The following ADAMTS2 variants were observed in gnomAD, a reference collection of about 807,000 sequenced individuals.
ADAMTS2 encodes the protein ADAM metallopeptidase with thrombospondin type 1 motif 2, also known as A disintegrin and metalloproteinase with thrombospondin motifs 2.
Under a neutral mutation model 123.0 loss-of-function variants are expected in ADAMTS2, and 50 were observed. The ratio of observed to expected loss-of-function variants is 0.41; its 90% CI spans 0.32 to 0.51. The LOEUF is 0.51. Among genes scored for constraint, ADAMTS2 ranks in the 20% least tolerant of loss-of-function variants. The pLI, the probability that ADAMTS2 is intolerant of heterozygous loss-of-function variation, is 0.35. For missense variants in ADAMTS2, 1,494 were observed against 1,705.2 expected, an observed-to-expected ratio of 0.88 and a Z score of 2.18; for synonymous variants, 678 against 695.4, an observed-to-expected ratio of 0.98 and a Z score of 0.39.
chr5:179,173,222 T>TA (rs918031451), intron 5 of ADAMTS2, among the ~76,000 whole-genome samples: 2 of 56,680 alleles, frequency 3.5e-5, no homozygotes, highest in African/African-American at 5.1e-5. Context: ...TTAATAATAA[T>TA]AATAATAATA....
At chr5:179,231,943 GAA>G (rs58118969) in intron 3 of ADAMTS2, among the ~76,000 whole-genome samples, 122,941 of 149,268 alleles carry the variant, frequency 0.82, 51,137 homozygotes, top group East Asian at 0.99. Context: ...AAAAGAAAAA[GAA>G]AAAAAAAAAG....
In ADAMTS2 at chr5:179,322,304, C is replaced by T. The variant is rs1757205809; in HGVS notation, c.534+21463G>A. ...GTGGGGAGAGGAGCAGAGGATGCAC[C>T]CACGGCCCGTGCCTTCTTTGAATCA... On this transcript the variant is annotated intron_variant, in intron 2 of 21. Coordinates refer to ENST00000251582, the MANE Select transcript of ADAMTS2 (RefSeq NM_014244.5). 2.0e-5 allele frequency among the ~76,000 whole-genome samples: 3 copies of T among 152,174 alleles called. No individual in the cohort carries two copies. In the South Asian group the frequency reaches 6.2e-4, roughly 32 times the overall value.
intron 19 of ADAMTS2, 59 bp from the exon 20 acceptor site, chr5:179,122,832 A>G (rs1762788908): frequency 1.3e-6 from 2 of 1,548,558 alleles, no homozygotes; most frequent in Non-Finnish European, 1.7e-6. Context: ...GCACTGGCAG[A>G]GCTGGAGGAG....
At chr5:179,140,796 G>GTTTTTTTTTTTTTTT (rs1763149728) in intron 10 of ADAMTS2, among the ~76,000 whole-genome samples, 1 of 71,506 alleles carries the variant, frequency 1.4e-5, no homozygotes. Flanking sequence ...CCGACTGCAT[G>GTTTTTTTTTTTTTTT]CTCTTTTTTT....
chr5:179,154,391 C>A (rs976947577), intron 7 of ADAMTS2, among the ~76,000 whole-genome samples, 199 bp from the exon 8 acceptor site: 1 of 152,216 alleles, frequency 6.6e-6, no homozygotes, highest in African/African-American at 2.4e-5. Context: ...GTCCAGCGGG[C>A]AGTCCCCCAG....
intron 3 of ADAMTS2, among the ~76,000 whole-genome samples, chr5:179,241,583 C>T (rs1350827708): frequency 6.6e-6 from 1 of 152,202 alleles, no homozygotes; most frequent in East Asian, 1.9e-4. Context: ...TCTGTAATTT[C>T]AGTGTATTAA....
chr5:179,132,838 T>A lies in ADAMTS2; in HGVS notation c.2148A>T (p.Gly716=), dbSNP rs760357244. ...CCACTTTGCAGTGGCTGTTGTCCCC[T>A]CCGCACACGCCACACTTGTCTTCCT... ...SKQEDKCGVC[G]GDNSHCKVVK... The change falls in exon 14 of 22, where the codon GGA becomes GGT. Residue 716 remains glycine (G), a synonymous_variant. Coordinates refer to ENST00000251582, the MANE Select transcript of ADAMTS2 (RefSeq NM_014244.5). The surrounding 1 kb of genome is among the most constrained non-coding windows in gnomAD (Gnocchi z 6.1). The A allele has an allele frequency of 6.2e-7, 1 of 1,614,014 alleles. No homozygotes were observed. The highest frequency in any genetic ancestry group is 1.7e-5 in the Admixed American group (1 of 60,004).
intron 10 of ADAMTS2, among the ~76,000 whole-genome samples, chr5:179,151,623 G>A (rs1763357249): frequency 6.6e-6 from 1 of 152,188 alleles, no homozygotes; most frequent in African/African-American, 2.4e-5. Context: ...TGAGAATCAG[G>A]TCTGGAGTTC....
chr5:179,263,325 T>C, intron 3 of ADAMTS2, among the ~76,000 whole-genome samples: 1 of 137,490 alleles, frequency 7.3e-6, no homozygotes, highest in East Asian at 2.1e-4. Flanking sequence ...GCAGTATTAT[T>C]CCCCCATGAT....
chr5:179,309,950 C>T (rs1375008322), intron 2 of ADAMTS2, among the ~76,000 whole-genome samples: 1 of 152,176 alleles, frequency 6.6e-6, no homozygotes, highest in Non-Finnish European at 1.5e-5. Context: ...CCCTCCTGTC[C>T]TCCCTGCCCC....
At chr5:179,241,652 CTTTCT>C (rs1765674228) in intron 3 of ADAMTS2, among the ~76,000 whole-genome samples, 2 of 152,194 alleles carry the variant, frequency 1.3e-5, no homozygotes, top group African/African-American at 4.8e-5. Context: ...CAAGTTTCCT[CTTTCT>C]TTTACTTGTG....
chr5:179,174,803 C>T lies in ADAMTS2; in HGVS notation c.975+6269G>A, dbSNP rs553594892. Among the ~76,000 whole-genome samples the T allele has an allele frequency of 2.6e-5, 4 of 151,984 alleles. No individual in the cohort carries two copies. In the East Asian group the frequency reaches 7.8e-4, roughly 30 times the overall value. On this transcript the variant is annotated intron_variant, in intron 5 of 21. Coordinates refer to ENST00000251582, the MANE Select transcript of ADAMTS2 (RefSeq NM_014244.5). ...CCGTTCATGTTCCTTTGGAGGAAGT[C>T]TCTTCCTTGCTTGGGTTCCGCAGCT...
chr5:179,181,757 C>A lies in ADAMTS2; in HGVS notation c.892-602G>T, dbSNP rs1478794023. On this transcript the variant is annotated intron_variant, in intron 4 of 21. Coordinates refer to ENST00000251582, the MANE Select transcript of ADAMTS2 (RefSeq NM_014244.5). This position sits in a 1 kb window ranked among gnomAD's most constrained non-coding sequence, Gnocchi z 4.1. ...GCAGTCGCCGTCTCTGTATTTATCA[C>A]AATCATATTCTTACACGTGTTTCAT... Among the ~76,000 whole-genome samples the A allele has an allele frequency of 6.6e-6, 1 of 152,202 alleles. No homozygotes were observed. Among genetic ancestry groups the A allele is most frequent in the African/African-American group, 2.4e-5 (1 of 41,444 alleles).
chr5:179,246,365 G>A (rs1186210896), intron 3 of ADAMTS2, among the ~76,000 whole-genome samples: 1 of 152,214 alleles, frequency 6.6e-6, no homozygotes, highest in Non-Finnish European at 1.5e-5. Flanking sequence ...TTCCCAGACA[G>A]TGTTTGTCAA....
intron 3 of ADAMTS2, among the ~76,000 whole-genome samples, chr5:179,224,747 C>T (rs1443152441): frequency 1.3e-5 from 2 of 152,218 alleles, no homozygotes; most frequent in Non-Finnish European, 2.9e-5. Context: ...TGGCAAAAAG[C>T]AATTTAAGAA....
At chr5:179,183,394 C>T (rs962448823) in intron 4 of ADAMTS2, among the ~76,000 whole-genome samples, 2 of 152,232 alleles carry the variant, frequency 1.3e-5, no homozygotes, top group Admixed American at 6.5e-5. Context: ...GGCCAGGCTT[C>T]TCCTCATCCT....
At position 179,152,136 on chromosome 5, in the gene ADAMTS2, C is replaced by T. The variant is rs377268307; in HGVS notation, c.1629+6G>A. 39 of 1,611,392 alleles carry T rather than the reference C, an allele frequency of 2.4e-5. No individual in the cohort carries two copies. In the African/African-American group the frequency reaches 4.9e-4, roughly 20 times the overall value. On this transcript the variant is annotated splice_donor_region_variant and intron_variant, in intron 10 of 21. Transcript: ENST00000251582. ...TGCCCTCCAAGAGCCCTTGATGCTG[C>T]CTCACCTTGCCAGGTGCACACATAG... is the stretch of plus-strand genomic sequence containing the variant.
intron 2 of ADAMTS2, among the ~76,000 whole-genome samples, chr5:179,327,343 A>T (rs1166809262): frequency 6.6e-6 from 1 of 151,794 alleles, no homozygotes; most frequent in Non-Finnish European, 1.5e-5. Context: ...AGGTTGTACC[A>T]CCGAATCTAC....
rs201393333 is a variant in ADAMTS2 at position 179,152,252 on chromosome 5, G to A, written c.1519C>T (p.Arg507Trp). 1.0e-4 allele frequency: 164 copies of A among 1,613,846 alleles called. No individual in the cohort carries two copies. The highest frequency in any genetic ancestry group is 2.2e-4 in the East Asian group (10 of 44,874). Reference sequence around the variant, plus strand: ...AGCTGCTTGCAGGGGTCAAAGGTCCGGAACTGGAAGACAGCACCATAGCTT... The same window carrying A: ...AGCTGCTTGCAGGGGTCAAAGGTCCAGAACTGGAAGACAGCACCATAGCTT... ...GLGYMMCTAFRTFDPCKQLWC... is the reference protein window; with the variant it reads ...GLGYMMCTAFWTFDPCKQLWC... The change falls in exon 10 of 22, where the codon CGG becomes TGG. Residue 507 changes from arginine (R) to tryptophan (W), a missense_variant. By Grantham distance (101) the Arg-to-Trp change is moderately radical. Around this residue, in one of 6 missense-constraint regions of ADAMTS2, gnomAD observed 953 missense variants for 1,124.7 expected, o/e 0.85. Transcript: ENST00000251582.
Sources: gnomAD v4.1 joint callset for allele counts (sites outside exome capture counted in the v4.1 genomes callset) on GRCh38, gnomAD v4.1.1 for gene constraint, gnomAD v4.1.1 regional missense constraint, Gnocchi (gnomAD v3.1) non-coding constraint, MANE v1.5 for transcripts, NCBI Gene and HGNC (gene_info 2026-07-23, HGNC 2026-07-21) for gene names.